The following NFIA variants were observed in gnomAD, a reference collection of about 807,000 sequenced individuals.
NFIA encodes nuclear factor I A, also known as nuclear factor 1 A-type.
In NFIA, 8 loss-of-function variants were observed where a neutral mutation model predicts 62.8. The ratio of observed to expected loss-of-function variants is 0.13; its 90% confidence interval spans 0.07 to 0.23. NFIA has a LOEUF of 0.23. Among genes scored for constraint, NFIA ranks in the 10% least tolerant of loss-of-function variants. NFIA has a pLI of 1.00. For missense variants in NFIA, 410 were observed against 642.1 expected (o/e 0.64, Z 3.91); for synonymous variants, 235 against 238.1 (o/e 0.99, Z 0.12).
intron 4 of NFIA, among the ~76,000 whole-genome samples, chr1:61,338,912 T>A (rs1196428744): frequency 3.3e-5 from 5 of 152,178 alleles, no homozygotes; most frequent in Non-Finnish European, 5.9e-5. Context: ...AAATTAATTT[T>A]TAAAATAGCT....
intron 6 of NFIA, among the ~76,000 whole-genome samples, chr1:61,378,607 A>T (rs79767394): frequency 6.6e-6 from 1 of 152,194 alleles, no homozygotes; most frequent in Non-Finnish European, 1.5e-5. Context: ...GAAGCAACAC[A>T]CAGTTATTAA....
chr1:61,184,128 A>C (rs1396131595), intron 2 of NFIA, among the ~76,000 whole-genome samples: 4 of 142,794 alleles, frequency 2.8e-5, no homozygotes, highest in Non-Finnish European at 4.7e-5. Context: ...AAAAAACCAA[A>C]AAAAAAAAAA....
intron 2 of NFIA, among the ~76,000 whole-genome samples, chr1:61,219,363 G>C (rs1336025675): frequency 6.6e-6 from 1 of 152,032 alleles, no homozygotes; most frequent in African/African-American, 2.4e-5. Flanking sequence ...GCATATATAA[G>C]GAGTCTAGTT....
upstream of NFIA, among the ~76,000 whole-genome samples, chr1:61,080,322 TA>T (rs59492328): frequency 9.7e-3 from 1,479 of 152,088 alleles, 19 homozygotes; most frequent in Admixed American, 0.039. Flanking sequence ...CAGTCCTTTT[TA>T]AAAAAAATCT....
At chr1:61,169,165 G>C (rs1217075141) in intron 2 of NFIA, among the ~76,000 whole-genome samples, 1 of 152,140 alleles carries the variant, frequency 6.6e-6, no homozygotes, top group Admixed American at 6.6e-5. Context: ...AAAGCTTTTA[G>C]ATAAATATTC....
intron 9 of NFIA, among the ~76,000 whole-genome samples, chr1:61,411,587 T>C (rs191606520): frequency 5.3e-5 from 8 of 152,130 alleles, no homozygotes; most frequent in Admixed American, 5.2e-4. Context: ...GGTGCTAGGA[T>C]TCAGCAGGGA....
intron 2 of NFIA, among the ~76,000 whole-genome samples, chr1:61,164,918 C>G (rs1396398658): frequency 6.6e-6 from 1 of 152,092 alleles, no homozygotes; most frequent in Non-Finnish European, 1.5e-5. Flanking sequence ...CAGTATTTAT[C>G]AAAAATCTTC....
In NFIA at chr1:61,377,053, CT is replaced by C. The variant is rs1664182356; in HGVS notation, c.947-6183del. On this transcript the variant is annotated intron_variant, in intron 6 of 10. Coordinates refer to ENST00000403491, the MANE Select transcript of NFIA (RefSeq NM_001134673.4). ...CCAACATGGTGAAACCCTGTATCTACTAAAAAAAAAAATACAAAAATTAGCC... is the reference window on the plus strand; with the variant it reads ...CCAACATGGTGAAACCCTGTATCTACAAAAAAAAAAATACAAAAATTAGCC... Among the ~76,000 whole-genome samples the C allele has an allele frequency of 2.7e-5, 4 of 150,850 alleles. No homozygotes were observed. In the South Asian group the frequency reaches 8.4e-4, roughly 32 times the overall value.
intron 1 of NFIA, among the ~76,000 whole-genome samples, chr1:61,085,918 G>A (rs756252098): frequency 1.3e-5 from 2 of 152,116 alleles, no homozygotes; most frequent in African/African-American, 2.4e-5. Context: ...TGTTGGACAC[G>A]AATGCATGCA....
At chr1:61,327,504 A>G (rs1342075114) in intron 3 of NFIA, among the ~76,000 whole-genome samples, 2 of 152,118 alleles carry the variant, frequency 1.3e-5, no homozygotes, top group African/African-American at 4.8e-5. Flanking sequence ...AAGTGAGAAC[A>G]TGACGGTATT....
At chr1:61,090,641 C>T (rs1646304024) in intron 2 of NFIA, among the ~76,000 whole-genome samples, 1 of 152,136 alleles carries the variant, frequency 6.6e-6, no homozygotes, top group African/African-American at 2.4e-5. Context: ...TAGAAGGTTA[C>T]TTAGGAGAGT....
intron 2 of NFIA, among the ~76,000 whole-genome samples, chr1:61,172,324 A>G (rs1350894568): frequency 6.6e-6 from 1 of 152,118 alleles, no homozygotes; most frequent in Non-Finnish European, 1.5e-5. Flanking sequence ...TAATGTGGAT[A>G]TGTGCTGGTG....
At chr1:61,197,226 C>CTCTGGT (rs1652082722) in intron 2 of NFIA, among the ~76,000 whole-genome samples, 1 of 147,434 alleles carries the variant, frequency 6.8e-6, no homozygotes, top group Non-Finnish European at 1.5e-5. Context: ...TTATTTACTA[C>CTCTGGT]TCTGGTTCTT....
At chr1:61,369,264 G>A (rs188838106) in intron 6 of NFIA, among the ~76,000 whole-genome samples, 34 of 152,230 alleles carry the variant, frequency 2.2e-4, no homozygotes, top group African/African-American at 7.2e-4. Flanking sequence ...AATCTCCCCT[G>A]CCTGAAACAG....
intron 9 of NFIA, among the ~76,000 whole-genome samples, chr1:61,417,641 A>T (rs755097270): frequency 1.3e-5 from 2 of 152,120 alleles, no homozygotes; most frequent in Non-Finnish European, 2.9e-5. Context: ...TACGAGTATG[A>T]TCATAACATT....
chr1:61,462,698 A>G lies in NFIA; in HGVS notation c.*7378A>G, dbSNP rs1668593038. On this transcript the variant is annotated 3_prime_UTR_variant, in exon 11 of 11. Transcript: ENST00000403491. ...ACTCTTGTATTCAACCATTAGTGCT[A>G]CCACCTTCTCACATTACAATACAAT... The G allele has an allele frequency of 6.6e-6, 1 of 152,218 alleles. No individual in the cohort carries two copies. The allele number at this position is 152,218 out of a possible 1,614,324, so 9.4% of individuals were successfully genotyped here.
chr1:61,341,467 A>G (rs1169767433), intron 4 of NFIA, among the ~76,000 whole-genome samples: 1 of 152,090 alleles, frequency 6.6e-6, no homozygotes, highest in Non-Finnish European at 1.5e-5. Context: ...ACAGGTCATT[A>G]CTGACAATGT....
upstream of NFIA, among the ~76,000 whole-genome samples, chr1:61,081,021 C>A (rs1331399050): frequency 6.6e-6 from 1 of 152,176 alleles, no homozygotes. Context: ...AATGTCCCCT[C>A]TTTAGAGACT....
At chr1:61,391,432 TCAAA>T (rs1332371070) in intron 7 of NFIA, among the ~76,000 whole-genome samples, 6 of 101,430 alleles carry the variant, frequency 5.9e-5, no homozygotes, top group Non-Finnish European at 9.9e-5. Flanking sequence ...TCTTTATGAA[TCAAA>T]CACACACACA....
Sources: gnomAD v4.1 joint callset for allele counts (sites outside exome capture counted in the v4.1 genomes callset) on GRCh38, gnomAD v4.1.1 for gene constraint, MANE v1.5 for transcripts, NCBI Gene and HGNC (gene_info 2026-07-23, HGNC 2026-07-21) for gene names.